The following TANGO2 variants were observed in gnomAD, a reference collection of about 807,000 sequenced individuals.
The protein encoded by TANGO2 is transport and Golgi organization protein 2 homolog.
Under a neutral mutation model 39.1 loss-of-function variants are expected in TANGO2, and 26 were observed. The ratio of observed to expected loss-of-function variants is 0.67; its 90% CI spans 0.49 to 0.92. TANGO2 has a LOEUF of 0.92. Among genes scored for constraint, TANGO2 ranks in the 40% least tolerant of loss-of-function variants. TANGO2 has a pLI of 0.00. For missense variants in TANGO2, 326 were observed against 360.1 expected (o/e 0.91, Z 0.77); for synonymous variants, 131 against 144.5 (o/e 0.91, Z 0.67).
intron 1 of TANGO2, among the ~76,000 whole-genome samples, chr22:20,026,170 C>CG (rs1483462417): frequency 1.3e-5 from 2 of 152,238 alleles, no homozygotes; most frequent in East Asian, 1.9e-4. Context: ...GAGGCTGAGG[C>CG]GGGGGGATCA....
chr22:20,051,349 T>C (rs1474020742), intron 3 of TANGO2, among the ~76,000 whole-genome samples: 2 of 148,946 alleles, frequency 1.3e-5, no homozygotes, highest in East Asian at 2.1e-4. Flanking sequence ...CTGGCCAACA[T>C]GGAGAAACTC....
intron 3 of TANGO2, among the ~76,000 whole-genome samples, chr22:20,048,636 G>A (rs1342639116): frequency 6.6e-6 from 1 of 151,696 alleles, no homozygotes; most frequent in African/African-American, 2.4e-5. Flanking sequence ...ATAGCTTATG[G>A]TGAGCAGAAT....
Position 20,061,533 on chromosome 22 carries a change from C to A in TANGO2, c.455C>A (p.Thr152Asn), listed in dbSNP as rs369498657. 6.2e-7 allele frequency: 1 copy of A among 1,604,422 alleles called. No homozygotes were observed. The highest frequency in any genetic ancestry group is 1.3e-5 in the African/African-American group (1 of 74,854). Residue 152 changes from threonine to asparagine, a missense_variant, in exon 7 of 9, where the codon ACC becomes AAC. By Grantham distance (65) the Thr-to-Asn change is moderately conservative (BLOSUM62 0). Coordinates refer to ENST00000327374, the MANE Select transcript of TANGO2 (RefSeq NM_152906.7). Reference protein sequence around the residue: ...EPDPIVLTPGTYGLSNALLET... With the variant: ...EPDPIVLTPGNYGLSNALLET... Reference sequence around the variant, plus strand: ...GCCCGCTGATTGCTCCTCACAGGCACCTACGGGCTGAGCAACGCGCTGCTG... The same window carrying A: ...GCCCGCTGATTGCTCCTCACAGGCAACTACGGGCTGAGCAACGCGCTGCTG...
At chr22:20,029,628 A>T (rs1262990525) in intron 1 of TANGO2, among the ~76,000 whole-genome samples, 4 of 151,964 alleles carry the variant, frequency 2.6e-5, no homozygotes, top group Non-Finnish European at 5.9e-5. Context: ...TGTGGGGGGA[A>T]CTTCCTCCCT....
intron 3 of TANGO2, among the ~76,000 whole-genome samples, chr22:20,048,604 G>C (rs527340424): frequency 1.3e-5 from 2 of 151,916 alleles, no homozygotes; most frequent in Admixed American, 6.6e-5. Flanking sequence ...TGAGTCCTTT[G>C]TGCCTACTCA....
chr22:20,018,056 C>G (rs1945326616), upstream of TANGO2, among the ~76,000 whole-genome samples: 1 of 152,220 alleles, frequency 6.6e-6, no homozygotes, highest in Admixed American at 6.5e-5. Context: ...TATTGGGAGT[C>G]CAGTGTGTTC....
At chr22:20,060,348 CAA>C (rs1180539682) in intron 6 of TANGO2, among the ~76,000 whole-genome samples, 210 of 80,670 alleles carry the variant, frequency 2.6e-3, no homozygotes, top group African/African-American at 6.6e-3. Context: ...GACTCCGTCT[CAA>C]AAAAAAAAAA....
At chr22:20,040,393 C>T (rs373506429) in intron 2 of TANGO2, among the ~76,000 whole-genome samples, 13 of 152,200 alleles carry the variant, frequency 8.5e-5, no homozygotes, top group African/African-American at 3.1e-4. Flanking sequence ...AATCAGCACC[C>T]GAAGCCAACA....
chr22:20,037,197 C>T, intron 2 of TANGO2: 3 of 1,338,516 alleles, frequency 2.2e-6, no homozygotes, highest in Non-Finnish European at 3.0e-6. Flanking sequence ...GAGTGAGAGC[C>T]AGCTTGGGCT....
chr22:20,052,703 A>G, intron 4 of TANGO2, 119 bp downstream of exon 4: 3 of 1,308,250 alleles, frequency 2.3e-6, no homozygotes, highest in Admixed American at 2.2e-5. Flanking sequence ...GGGGCGGGCC[A>G]AGGTAGGAAG....
At chr22:20,036,267 G>T (rs1159123205) in intron 1 of TANGO2, among the ~76,000 whole-genome samples, 1 of 152,178 alleles carries the variant, frequency 6.6e-6, no homozygotes, top group Non-Finnish European at 1.5e-5. Context: ...GGAGGGACCT[G>T]CGTACTAGGG....
upstream of TANGO2, among the ~76,000 whole-genome samples, chr22:20,020,879 G>A (rs550001113): frequency 8.9e-4 from 136 of 152,280 alleles, no homozygotes; most frequent in African/African-American, 3.0e-3. Context: ...AGTCCCCGAA[G>A]GCCGCTGGAT....
Position 20,036,859 on chromosome 22 carries a change from C to T in TANGO2, c.56+5C>T. The T allele has an allele frequency of 1.2e-6, 2 of 1,614,246 alleles. No individual in the cohort carries two copies. Among genetic ancestry groups the T allele is most frequent in the Non-Finnish European group, 1.7e-6 (2 of 1,180,044 alleles). On this transcript the variant is annotated splice_donor_5th_base_variant and intron_variant, in intron 2 of 8. Coordinates refer to ENST00000327374, the MANE Select transcript of TANGO2 (RefSeq NM_152906.7). ...TGTTTCCAAAAACGCGTACAGGTAA[C>T]CCCCTCGCTCTGCATCTGCTGCGCC...
At chr22:20,038,558 G>A (rs1211273585) in intron 2 of TANGO2, among the ~76,000 whole-genome samples, 1 of 152,236 alleles carries the variant, frequency 6.6e-6, no homozygotes, top group Non-Finnish European at 1.5e-5. Context: ...GAACCCGTGT[G>A]TTGCTGCCAG....
chr22:20,031,547 A>G (rs2041873303), intron 1 of TANGO2, among the ~76,000 whole-genome samples: 1 of 152,160 alleles, frequency 6.6e-6, no homozygotes, highest in Non-Finnish European at 1.5e-5. Flanking sequence ...TCCTGTTGTC[A>G]GCCTGGGCTA....
At chr22:20,055,621 G>C (rs1317837272) in intron 5 of TANGO2, 3 of 446,100 alleles carry the variant, frequency 6.7e-6, no homozygotes, top group Non-Finnish European at 1.2e-5. Flanking sequence ...CAGCCCTGCA[G>C]TTGTCCCCAT....
intron 6 of TANGO2, chr22:20,056,940 G>A (rs77261855): frequency 2.6e-5 from 12 of 456,562 alleles, no homozygotes; most frequent in African/African-American, 2.0e-4. Context: ...CGGCGCCTGG[G>A]GAGTGTGTCA....
At chr22:20,038,210 C>T (rs1355698404) in intron 2 of TANGO2, among the ~76,000 whole-genome samples, 2 of 152,216 alleles carry the variant, frequency 1.3e-5, no homozygotes, top group East Asian at 1.9e-4. Context: ...GTCTGCATAC[C>T]GAGAAGACCC....
At chr22:20,022,705 G>A (rs954720718) in intron 1 of TANGO2, among the ~76,000 whole-genome samples, 8 of 152,234 alleles carry the variant, frequency 5.3e-5, no homozygotes, top group African/African-American at 1.7e-4. Context: ...TGCGCCAGAC[G>A]GCGAACTTGG....
Sources: allele counts gnomAD v4.1 joint callset (sites outside exome capture counted in the v4.1 genomes callset), GRCh38; gene constraint gnomAD v4.1.1; transcripts MANE v1.5; gene names NCBI Gene and HGNC (gene_info 2026-07-23, HGNC 2026-07-21).